The following AIPL1 variants were observed in gnomAD, a reference collection of about 807,000 sequenced individuals.
The protein encoded by AIPL1 is AIP like 1 HSP90 co-chaperone, also known as aryl-hydrocarbon-interacting protein-like 1.
Under a neutral mutation model 32.9 loss-of-function variants are expected in AIPL1, and 23 were observed. That is an observed-to-expected ratio of 0.70 (90% CI 0.50 to 0.99). The LOEUF (loss-of-function observed/expected upper bound fraction) is 0.99. Among genes scored for constraint, AIPL1 ranks in the 50% least tolerant of loss-of-function variants. AIPL1 has a pLI of 0.00. For missense variants in AIPL1, 485 were observed against 506.0 expected, an observed-to-expected ratio of 0.96 and a Z score of 0.40; for synonymous variants, 210 against 209.4, an observed-to-expected ratio of 1.00 and a Z score of -0.02.
intron 2 of AIPL1, among the ~76,000 whole-genome samples, chr17:6,433,292 T>C (rs141185652): frequency 8.9e-4 from 135 of 152,318 alleles, no homozygotes; most frequent in African/African-American, 3.1e-3. Context: ...GATCTAATCA[T>C]GCTGTATAAA....
Position 6,425,400 on chromosome 17 carries a change from C to A in AIPL1, c.*60G>T. The A allele has an allele frequency of 2.7e-6, 4 of 1,503,266 alleles. No homozygotes were observed. Among genetic ancestry groups the A allele is most frequent in the Non-Finnish European group, 3.5e-6 (4 of 1,131,352 alleles). 93.1% of individuals were successfully genotyped at this position (1,503,266 alleles called of 1,614,324 possible). ...AAGTGACACCACGATCCTGGTCAATCGAACCAGAAGTGACCAGGCCACTTG... is the reference window on the plus strand; with the variant it reads ...AAGTGACACCACGATCCTGGTCAATAGAACCAGAAGTGACCAGGCCACTTG... On this transcript the variant is annotated 3_prime_UTR_variant, in exon 6 of 6. Coordinates refer to ENST00000381129, the MANE Select transcript of AIPL1 (RefSeq NM_014336.5).
Position 6,428,369 on chromosome 17 carries a change from G to C in AIPL1, c.414C>G (p.Asp138Glu). 6.2e-7 allele frequency: 1 copy of C among 1,612,124 alleles called. No homozygotes were observed. Among genetic ancestry groups the C allele is most frequent in the Non-Finnish European group, 8.5e-7 (1 of 1,180,030 alleles). The stretch of plus-strand genomic sequence containing the variant: ...GAGGCTGAGGCTCCTTCTGCAGCTC[G>C]TCCAGGTCCTCGTAGCCCAGCGTGT... ...AYHTLGYEDL[D>E]ELQKEPQPLV... The change falls in exon 3 of 6, where the codon GAC becomes GAG. Residue 138 changes from aspartate (D) to glutamate (E), a missense_variant. Physicochemically the swap from Asp to Glu is conservative, Grantham distance 45 (BLOSUM62 2). Coordinates refer to ENST00000381129, the MANE Select transcript of AIPL1 (RefSeq NM_014336.5).
Position 6,427,100 on chromosome 17 carries a change from G to T in AIPL1, c.466-43C>A, listed in dbSNP as rs1218358367. 3.1e-6 allele frequency: 5 copies of T among 1,606,210 alleles called. No individual in the cohort carries two copies. The South Asian group carries it at 3.3e-5, about 11-fold the overall frequency. Reference sequence around the variant, plus strand: ...GGTCAGTGAGGCAGGGACCCCAGGGGCCTGCACCCCATCAGAGACCCGAAA... The same window carrying T: ...GGTCAGTGAGGCAGGGACCCCAGGGTCCTGCACCCCATCAGAGACCCGAAA... On this transcript the variant is annotated intron_variant, in intron 3 of 5. Transcript: ENST00000381129.
chr17:6,433,779 G>T (rs1912864908), intron 2 of AIPL1, 140 bp downstream of exon 2: 1 of 1,092,326 alleles, frequency 9.2e-7, no homozygotes. Flanking sequence ...ATGCACAGCG[G>T]TGGGGAATAA....
rs1911708718 is a variant in AIPL1 at position 6,424,425 on chromosome 17, T to C, written c.*1035A>G. On this transcript the variant is annotated 3_prime_UTR_variant, in exon 6 of 6. Transcript: ENST00000381129. ...GTGGGTATAAATCTGACTGCAGAAC[T>C]GCCCTGAGCTGCTGCTCGCTGCCTA... The C allele has an allele frequency of 6.6e-6, 1 of 152,270 alleles. No homozygotes were observed. The highest frequency in any genetic ancestry group is 1.5e-5 in the Non-Finnish European group (1 of 68,062). 9.4% of individuals were successfully genotyped at this position (152,270 alleles called of 1,614,324 possible).
At chr17:6,433,648 C>G (rs1378553162) in intron 2 of AIPL1, among the ~76,000 whole-genome samples, 98 of 149,982 alleles carry the variant, frequency 6.5e-4, no homozygotes, top group African/African-American at 2.3e-3. Flanking sequence ...CACACACACA[C>G]ACACACAGAT....
rs771464851 is a variant in AIPL1, at chr17:6,425,696, G to C, written c.919C>G (p.Leu307Val). The change falls in exon 6 of 6, where the codon CTG becomes GTG. Residue 307 changes from leucine to valine, a missense_variant. By Grantham distance (32) the Leu-to-Val change is conservative. Transcript: ENST00000381129. ...TTCTCCGCCATGCGGTTCTCCAGCA[G>C]CCTCAGCTCCCTGCGCACCGCCTTC... ...MQKAVRRELR[L>V]LENRMAEKQE... The C allele has an allele frequency of 6.2e-7, 1 of 1,608,866 alleles. No homozygotes were observed. Among genetic ancestry groups the C allele is most frequent in the Non-Finnish European group, 8.5e-7 (1 of 1,180,000 alleles).
In AIPL1 at chr17:6,425,307, GTTT is replaced by G. The variant is rs77115868; in HGVS notation, c.*150_*152del. 69,502 of 720,008 alleles carry G rather than the reference GTTT, an allele frequency of 0.097. 10 individuals carry two copies. The highest frequency in any genetic ancestry group is 0.13 in the Middle Eastern group (294 of 2,254). 44.6% of individuals were successfully genotyped at this position (720,008 alleles called of 1,614,324 possible). A position where few individuals can be genotyped will look rare whatever the true frequency, so the allele number is the denominator to read the frequency against. On this transcript the variant is annotated 3_prime_UTR_variant, in exon 6 of 6. Transcript: ENST00000381129. ...TAAGCTCTTCTGTACCCTTGGGATT[GTTT>G]TTTTTTTTTTTTTTACCATGGGTGT...
At chr17:6,432,251 C>T (rs59913099) in intron 2 of AIPL1, among the ~76,000 whole-genome samples, 8,792 of 151,874 alleles carry the variant, frequency 0.058, 896 homozygotes, top group African/African-American at 0.2. Flanking sequence ...GGCGTGGTGG[C>T]GGGCACCTGT....
chr17:6,426,053 T>C (rs1911916193), intron 5 of AIPL1: 17 of 1,122,190 alleles, frequency 1.5e-5, no homozygotes, highest in Non-Finnish European at 2.1e-5. Context: ...TAATTTTATA[T>C]TCATAACTTT....
chr17:6,431,979 A>G (rs1026476052), intron 2 of AIPL1, among the ~76,000 whole-genome samples: 1 of 152,244 alleles, frequency 6.6e-6, no homozygotes. Context: ...TGGGGAATAG[A>G]GGAGCATGTT....
Position 6,425,312 on chromosome 17 carries a change from T to TC in AIPL1, c.*147_*148insG. ...TCTTCTGTACCCTTGGGATTGTTTTTTTTTTTTTTTTTACCATGGGTGTGT... is the reference window on the plus strand; with the variant it reads ...TCTTCTGTACCCTTGGGATTGTTTTTCTTTTTTTTTTTTACCATGGGTGTGT... On this transcript the variant is annotated 3_prime_UTR_variant, in exon 6 of 6. Transcript: ENST00000381129. 1 of 929,178 alleles carries TC rather than the reference T, an allele frequency of 1.1e-6. No homozygotes were observed. The highest frequency in any genetic ancestry group is 2.9e-5 in the East Asian group (1 of 34,174). 57.6% of individuals were successfully genotyped at this position (929,178 alleles called of 1,614,324 possible). A position where few individuals can be genotyped will look rare whatever the true frequency, so the allele number is the denominator to read the frequency against.
At chr17:6,431,907 G>C (rs1157421463) in intron 2 of AIPL1, among the ~76,000 whole-genome samples, 4 of 152,196 alleles carry the variant, frequency 2.6e-5, no homozygotes, top group African/African-American at 9.6e-5. Flanking sequence ...GAGAGAAAGA[G>C]AGAGAGAAGA....
chr17:6,426,581 C>A, intron 5 of AIPL1, 34 bp downstream of exon 5: 1 of 1,607,186 alleles, frequency 6.2e-7, no homozygotes, highest in South Asian at 1.1e-5. Flanking sequence ...GGGCTGGGCG[C>A]CCCCTCACTG....
At chr17:6,431,457 G>GAAAA (rs577040505) in intron 2 of AIPL1, among the ~76,000 whole-genome samples, 29 of 142,696 alleles carry the variant, frequency 2.0e-4, no homozygotes, top group South Asian at 1.3e-3. Flanking sequence ...CTCCATCTCA[G>GAAAA]AAAAAAAAAA....
intron 1 of AIPL1, 129 bp from the exon 2 acceptor site, chr17:6,434,227 C>T: frequency 9.2e-7 from 1 of 1,083,230 alleles, no homozygotes; most frequent in African/African-American, 1.6e-5. Flanking sequence ...TCAGATGCCT[C>T]AGACCCCTGG....
Position 6,427,024 on chromosome 17 carries a change from A to T in AIPL1, c.499T>A (p.Trp167Arg), listed in dbSNP as rs750657142. The T allele has an allele frequency of 1.2e-6, 2 of 1,614,184 alleles. No homozygotes were observed. The highest frequency in any genetic ancestry group is 3.3e-5 in the Admixed American group (2 of 60,026). Residue 167 changes from tryptophan to arginine, a missense_variant, in exon 4 of 6, where the codon TGG becomes AGG. Coordinates refer to ENST00000381129, the MANE Select transcript of AIPL1 (RefSeq NM_014336.5). Reference protein sequence around the residue: ...DAPSDYQRETWNLSNHEKMKA... With the variant: ...DAPSDYQRETRNLSNHEKMKA... Reference sequence around the variant, plus strand: ...ATCTTCTCATGATTGCTCAGGTTCCAGGTCTCCCTCTGGTAATCACTCGGG... The same window carrying T: ...ATCTTCTCATGATTGCTCAGGTTCCTGGTCTCCCTCTGGTAATCACTCGGG...
At position 6,425,528 on chromosome 17, in the gene AIPL1, A is replaced by G; in HGVS notation, c.1087T>C (p.Ser363Pro). ...GCTGGCTCTGCAGGGGGCCCTGCGG[A>G]CAGCTCTGCAGATGGTGCTGTGGGT... is the stretch of plus-strand genomic sequence containing the variant. ...EPPTAPSAEL[S>P]AGPPAEPATE... Residue 363 changes from serine (S) to proline (P), a missense_variant, in exon 6 of 6, where the codon TCC (serine) becomes CCC (proline). Ser to Pro is a moderately conservative substitution (Grantham distance 74, BLOSUM62 -1). Transcript: ENST00000381129. The G allele has an allele frequency of 6.2e-7, 1 of 1,611,418 alleles. No homozygotes were observed. Among genetic ancestry groups the G allele is most frequent in the Non-Finnish European group, 8.5e-7 (1 of 1,179,516 alleles).
rs971609395 is a variant in AIPL1 at position 6,433,960 on chromosome 17, T to A, written c.235A>T (p.Met79Leu). Residue 79 changes from methionine to leucine, a missense_variant, in exon 2 of 6, where the codon ATG (methionine) becomes TTG (leucine). Physicochemically the swap from Met to Leu is conservative, Grantham distance 15 (BLOSUM62 2). Transcript: ENST00000381129. ...AACTCGGCCACCTCGTGCACCCGCA[T>A]GGAGGTAAGCAGGATCTCCCAGACC... ...LEVWEILLTSMRVHEVAEFWC... is the reference protein window; with the variant it reads ...LEVWEILLTSLRVHEVAEFWC... The A allele has an allele frequency of 1.2e-6, 2 of 1,613,662 alleles. No homozygotes were observed. The highest frequency in any genetic ancestry group is 1.7e-6 in the Non-Finnish European group (2 of 1,179,988).
Sources: allele counts gnomAD v4.1 joint callset (sites outside exome capture counted in the v4.1 genomes callset), GRCh38; gene constraint gnomAD v4.1.1; transcripts MANE v1.5; gene names NCBI Gene and HGNC (gene_info 2026-07-23, HGNC 2026-07-21).